The following CASZ1 variants were observed in gnomAD, a reference collection of about 807,000 sequenced individuals.
CASZ1 encodes castor zinc finger 1, also known as zinc finger protein castor homolog 1.
Under a neutral mutation model 135.2 loss-of-function variants are expected in CASZ1, and 28 were observed. The observed-to-expected ratio is 0.21, with a 90% CI of 0.15 to 0.28. The LOEUF (loss-of-function observed/expected upper bound fraction) is 0.28, where lower values mean the gene tolerates loss of function less well. Ranked by LOEUF, CASZ1 falls within the 10% of genes least tolerant of loss-of-function variation. CASZ1 has a pLI of 1.00. For synonymous variants in CASZ1, 1,068 were observed against 1,073.4 expected, an observed-to-expected ratio of 0.99 and a Z score of 0.10; for missense variants, 2,161 against 2,453.3, an observed-to-expected ratio of 0.88 and a Z score of 2.52.
At position 10,655,680 on chromosome 1, in the gene CASZ1, T is replaced by C. The variant is rs1185262773; in HGVS notation, c.1634A>G (p.Asn545Ser). ...CSVYYHGCHL[N>S]GKSTHYHCMQ... Reference sequence around the variant, plus strand: ...GCAGTGATAGTGGGTGCTCTTCCCATTGAGGTGGCAGCCGTGGTAGTAGAC... The same window carrying C: ...GCAGTGATAGTGGGTGCTCTTCCCACTGAGGTGGCAGCCGTGGTAGTAGAC... Residue 545 changes from asparagine to serine, a missense_variant, in exon 9 of 21, where the codon AAT (asparagine) becomes AGT (serine). Transcript: ENST00000377022. The C allele has an allele frequency of 6.2e-7, 1 of 1,613,820 alleles. No individual in the cohort carries two copies. The highest frequency in any genetic ancestry group is 8.5e-7 in the Non-Finnish European group (1 of 1,179,830).
intron 3 of CASZ1, among the ~76,000 whole-genome samples, chr1:10,703,974 A>C (rs1168440074): frequency 6.6e-6 from 1 of 152,232 alleles, no homozygotes; most frequent in Non-Finnish European, 1.5e-5. Flanking sequence ...ATTTCAGGAC[A>C]CGGAATGGCT....
At chr1:10,750,362 A>C (rs1275917140) in intron 2 of CASZ1, among the ~76,000 whole-genome samples, 2 of 151,888 alleles carry the variant, frequency 1.3e-5, no homozygotes, top group African/African-American at 4.8e-5. Flanking sequence ...TATAGCCTCA[A>C]CCTCCTGGGC....
intron 4 of CASZ1, among the ~76,000 whole-genome samples, chr1:10,671,962 C>A (rs530265099): frequency 8.3e-4 from 126 of 152,316 alleles, no homozygotes; most frequent in Admixed American, 2.4e-3. Context: ...CAGACCTAGA[C>A]AGCCCCACAA....
chr1:10,741,240 C>T lies in CASZ1; in HGVS notation c.-77+19461G>A, dbSNP rs1458634842. Among the ~76,000 whole-genome samples, 3 of 152,226 alleles carry T rather than the reference C, an allele frequency of 2.0e-5. No homozygotes were observed. The highest frequency in any genetic ancestry group is 7.2e-5 in the African/African-American group (3 of 41,452). On this transcript the variant is annotated intron_variant, in intron 2 of 20. Transcript: ENST00000377022. The surrounding 1 kb of genome is among the most constrained non-coding windows in gnomAD (Gnocchi z 5.0). The stretch of plus-strand genomic sequence containing the variant: ...TCAGGCGATCCACCCACCTCAGCTT[C>T]CCAAAGTGTTGGGATTACAGGCGTG...
intron 1 of CASZ1, among the ~76,000 whole-genome samples, chr1:10,779,173 C>T (rs1416737943): frequency 6.6e-6 from 1 of 152,080 alleles, no homozygotes; most frequent in Non-Finnish European, 1.5e-5. Flanking sequence ...TTCTGTCTCC[C>T]CCCCAGCCCC....
intron 1 of CASZ1, among the ~76,000 whole-genome samples, chr1:10,792,342 G>GCCCC (rs1640976200): frequency 2.5e-3 from 5 of 2,018 alleles, no homozygotes; most frequent in Non-Finnish European, 5.3e-3. Context: ...CCCCCCCCCG[G>GCCCC]CCCCGCACAC....
chr1:10,702,985 AGC>A (rs1243590198), intron 3 of CASZ1, among the ~76,000 whole-genome samples: 13 of 151,250 alleles, frequency 8.6e-5, no homozygotes, highest in African/African-American at 2.7e-4. Flanking sequence ...AGAGAGAGAG[AGC>A]GCCATGGAGT....
chr1:10,749,250 C>T (rs994448621), intron 2 of CASZ1, among the ~76,000 whole-genome samples: 1 of 151,942 alleles, frequency 6.6e-6, no homozygotes, highest in East Asian at 1.9e-4. Context: ...ATCTTTCCCC[C>T]CTATTTTTTT....
Position 10,653,693 on chromosome 1 carries a change from C to A in CASZ1, c.2364G>T (p.Leu788=). ...TGGGCAGGCCCGAGTTGGAGAGGGC[C>A]AGGGCCAGGGGGATTGAGCCAGGCA... is the stretch of plus-strand genomic sequence containing the variant. ...QGLPGSIPLA[L]ALSNSGLPTP... Residue 788 remains leucine (L), a synonymous_variant, in exon 11 of 21, where the codon CTG becomes CTT. Coordinates refer to ENST00000377022, the MANE Select transcript of CASZ1 (RefSeq NM_001079843.3). The A allele has an allele frequency of 6.3e-7, 1 of 1,576,788 alleles. No individual in the cohort carries two copies. Among genetic ancestry groups the A allele is most frequent in the Non-Finnish European group, 8.6e-7 (1 of 1,161,586 alleles).
Position 10,711,427 on chromosome 1 carries a change from C to T in CASZ1, c.-76-5883G>A, listed in dbSNP as rs1314424672. Among the ~76,000 whole-genome samples, 1 of 152,160 alleles carries T rather than the reference C, an allele frequency of 6.6e-6. No homozygotes were observed. The highest frequency in any genetic ancestry group is 1.5e-5 in the Non-Finnish European group (1 of 68,024). The stretch of plus-strand genomic sequence containing the variant: ...GCTTCCATTCCTGTGCTGTTGAGGA[C>T]TCGCGGAAATAATGGTTAGCACAGT... On this transcript the variant is annotated intron_variant, in intron 2 of 20. Transcript: ENST00000377022. This position sits in a 1 kb window ranked among gnomAD's most constrained non-coding sequence, Gnocchi z 4.4.
intron 3 of CASZ1, among the ~76,000 whole-genome samples, chr1:10,702,088 C>G (rs1422835734): frequency 6.6e-6 from 1 of 152,226 alleles, no homozygotes; most frequent in Non-Finnish European, 1.5e-5. Flanking sequence ...CTACCAAGCA[C>G]TCGAATCACA....
intron 2 of CASZ1, among the ~76,000 whole-genome samples, chr1:10,742,933 C>G (rs61777971): frequency 6.6e-6 from 1 of 151,804 alleles, no homozygotes; most frequent in South Asian, 2.1e-4. Context: ...TGCAGTGAGC[C>G]GAGATCACGC....
intron 4 of CASZ1, among the ~76,000 whole-genome samples, chr1:10,685,929 G>A (rs1480209173): frequency 6.6e-6 from 1 of 152,234 alleles, no homozygotes; most frequent in Non-Finnish European, 1.5e-5. Context: ...TTTCATTTCA[G>A]CTTCCATTTA....
rs1371225606 is a variant in CASZ1 at position 10,647,246 on chromosome 1, A to G, written c.3497+555T>C. ...CCAATTTATTACTTTTATTGAGAAC[A>G]GGAAGCCGCACACATGACAATACAA... is the stretch of plus-strand genomic sequence containing the variant. On this transcript the variant is annotated intron_variant, in intron 16 of 20. Transcript: ENST00000377022. This position sits in a 1 kb window ranked among gnomAD's most constrained non-coding sequence, Gnocchi z 4.9. The G allele has an allele frequency of 5.0e-6, 5 of 991,954 alleles. No homozygotes were observed. In the African/African-American group the frequency reaches 7.0e-5, roughly 14 times the overall value. The allele number at this position is 991,954 out of a possible 1,614,324, so 61.4% of individuals were successfully genotyped here.
chr1:10,700,519 G>A lies in CASZ1; in HGVS notation c.-24+4973C>T, dbSNP rs1487014744. ...TTGGATGGTGTATGTACACGCCTGA[G>A]CCTGAACTGTCAGACACACATGATA... On this transcript the variant is annotated intron_variant, in intron 3 of 20. Coordinates refer to ENST00000377022, the MANE Select transcript of CASZ1 (RefSeq NM_001079843.3). The surrounding 1 kb of genome is among the most constrained non-coding windows in gnomAD (Gnocchi z 4.2). Among the ~76,000 whole-genome samples the A allele has an allele frequency of 6.6e-6, 1 of 152,178 alleles. No individual in the cohort carries two copies. Among genetic ancestry groups the A allele is most frequent in the Admixed American group, 6.5e-5 (1 of 15,284 alleles).
At chr1:10,651,124 C>G (rs755981327) in intron 11 of CASZ1, 48 bp from the exon 12 acceptor site, 1 of 1,423,962 alleles carries the variant, frequency 7.0e-7, no homozygotes, top group South Asian at 1.6e-5. Flanking sequence ...GAAGGCCTGG[C>G]CCGGGCACAG....
chr1:10,692,258 G>A (rs971925812), intron 4 of CASZ1, among the ~76,000 whole-genome samples: 2 of 152,230 alleles, frequency 1.3e-5, no homozygotes, highest in East Asian at 1.9e-4. Context: ...GGAGGAGGCC[G>A]ACCAGAGGGC....
intron 18 of CASZ1, among the ~76,000 whole-genome samples, chr1:10,644,155 T>G (rs927011131): frequency 7.2e-5 from 11 of 152,156 alleles, no homozygotes; most frequent in African/African-American, 2.6e-4. Context: ...GGGCCTTGCC[T>G]GCAGCCCAGG....
rs761615850 is a variant in CASZ1 at position 10,649,042 on chromosome 1, T to C, written c.3158+28A>G. ...CCAGGCTGGGATCCGTGGGGCTCTG[T>C]GGAAATGGCCCCCAGCACCCTACTC... On this transcript the variant is annotated intron_variant, in intron 15 of 20. Coordinates refer to ENST00000377022, the MANE Select transcript of CASZ1 (RefSeq NM_001079843.3). The C allele has an allele frequency of 9.3e-6, 15 of 1,608,638 alleles. No individual in the cohort carries two copies. The African/African-American group carries it at 1.6e-4, about 17-fold the overall frequency.
Sources: allele counts gnomAD v4.1 joint callset (sites outside exome capture counted in the v4.1 genomes callset), GRCh38; gene constraint gnomAD v4.1.1; non-coding constraint Gnocchi (gnomAD v3.1); transcripts MANE v1.5; gene names NCBI Gene and HGNC (gene_info 2026-07-23, HGNC 2026-07-21).